The following SPATA13 variants were observed in gnomAD, a reference collection of about 807,000 sequenced individuals.
The protein encoded by SPATA13 is spermatogenesis-associated protein 13.
A neutral mutation model predicts 104.0 loss-of-function variants in SPATA13; 50 were observed. The observed-to-expected ratio is 0.48, with a 90% confidence interval of 0.38 to 0.61. SPATA13 has a LOEUF of 0.61. Ranked by LOEUF, SPATA13 falls within the 20% of genes least tolerant of loss-of-function variation. The pLI, the probability that SPATA13 is intolerant of heterozygous loss-of-function variation, is 0.00. For synonymous variants in SPATA13, 606 were observed against 667.5 expected, an observed-to-expected ratio of 0.91 and a Z score of 1.42; for missense variants, 1,524 against 1,690.6, an observed-to-expected ratio of 0.90 and a Z score of 1.73.
intron 3 of SPATA13, among the ~76,000 whole-genome samples, chr13:24,099,030 A>T (rs1880174129): frequency 6.6e-6 from 1 of 152,072 alleles, no homozygotes. Flanking sequence ...GGCTGCAGTG[A>T]GCTATGATCA....
chr13:24,187,348 A>G (rs188095939), intron 1 of SPATA13, among the ~76,000 whole-genome samples: 1 of 152,158 alleles, frequency 6.6e-6, no homozygotes, highest in East Asian at 1.9e-4. Context: ...AGTCCTAGCT[A>G]TCTTCAGTTC....
intron 2 of SPATA13, among the ~76,000 whole-genome samples, chr13:23,995,102 T>C (rs1281944911): frequency 6.6e-6 from 1 of 152,138 alleles, no homozygotes; most frequent in African/African-American, 2.4e-5. Context: ...CCAAACACAA[T>C]GTCCAAAAAT....
At chr13:24,292,656 A>G (rs1471453246) in intron 9 of SPATA13, among the ~76,000 whole-genome samples, 1 of 152,074 alleles carries the variant, frequency 6.6e-6, no homozygotes, top group African/African-American at 2.4e-5. Context: ...GTGAATCATT[A>G]TTTTGTCCTC....
intron 4 of SPATA13, among the ~76,000 whole-genome samples, chr13:24,277,008 C>T (rs932744257): frequency 4.6e-5 from 7 of 152,172 alleles, no homozygotes; most frequent in Middle Eastern, 3.2e-3. Flanking sequence ...ACAATGTCTA[C>T]TGAGAGTATG....
intron 2 of SPATA13, among the ~76,000 whole-genome samples, chr13:23,990,012 C>A (rs545876543): frequency 6.6e-6 from 1 of 152,260 alleles, no homozygotes; most frequent in South Asian, 2.1e-4. Flanking sequence ...GTTTATAAGC[C>A]ACCCAGGTTA....
intron 3 of SPATA13, among the ~76,000 whole-genome samples, chr13:24,059,461 G>T (rs1474817210): frequency 6.6e-6 from 1 of 152,232 alleles, no homozygotes; most frequent in African/African-American, 2.4e-5. Flanking sequence ...GGCTTTGGCT[G>T]TATTGAAAAG....
intron 1 of SPATA13, among the ~76,000 whole-genome samples, chr13:24,212,138 T>A (rs980045536): frequency 6.6e-6 from 1 of 151,982 alleles, no homozygotes; most frequent in African/African-American, 2.4e-5. Flanking sequence ...GGAGGCCAGG[T>A]GCGGTGGCTC....
chr13:24,027,785 G>A (rs1877297139), intron 3 of SPATA13, among the ~76,000 whole-genome samples: 1 of 152,128 alleles, frequency 6.6e-6, no homozygotes, highest in African/African-American at 2.4e-5. Context: ...TGTGAAAACC[G>A]AGGAAATTAG....
At chr13:24,003,378 A>G (rs1876070700) in intron 2 of SPATA13, among the ~76,000 whole-genome samples, 1 of 152,220 alleles carries the variant, frequency 6.6e-6, no homozygotes, top group African/African-American at 2.4e-5. Context: ...AGAAGGTGGT[A>G]AAAAGATTGA....
At chr13:24,288,960 G>T in intron 7 of SPATA13, 39 bp from the exon 8 acceptor site, 2 of 1,542,918 alleles carry the variant, frequency 1.3e-6, no homozygotes, top group South Asian at 2.5e-5. Context: ...TAATTTATTT[G>T]GATTTCCAAA....
intron 2 of SPATA13, 29 bp downstream of exon 2, chr13:24,224,611 G>C: frequency 6.5e-7 from 1 of 1,536,484 alleles, no homozygotes; most frequent in Non-Finnish European, 8.7e-7. Flanking sequence ...TCCCTCATGT[G>C]GGCGACCCTC....
intron 4 of SPATA13, chr13:24,270,979 T>G (rs931157989): frequency 8.4e-7 from 1 of 1,195,090 alleles, no homozygotes; most frequent in African/African-American, 1.5e-5. Context: ...CCTTCCCAAG[T>G]TGCAGTTCTT....
intron 2 of SPATA13, among the ~76,000 whole-genome samples, chr13:24,226,283 C>T (rs1399321764): frequency 6.6e-6 from 1 of 152,188 alleles, no homozygotes; most frequent in Non-Finnish European, 1.5e-5. Context: ...ACCTAGGTAC[C>T]TGTCCACCTC....
chr13:24,174,209 G>A (rs527962915), intron 1 of SPATA13, among the ~76,000 whole-genome samples: 16 of 152,228 alleles, frequency 1.1e-4, no homozygotes, highest in South Asian at 6.2e-4. Context: ...TAAAGAAAGC[G>A]GTCCATTTTG....
At chr13:24,003,488 G>A (rs1264486703) in intron 2 of SPATA13, among the ~76,000 whole-genome samples, 1 of 152,188 alleles carries the variant, frequency 6.6e-6, no homozygotes, top group East Asian at 1.9e-4. Context: ...CAAGTAATGC[G>A]TAATTTTTTC....
chr13:24,085,087 AG>A (rs144781503), intron 3 of SPATA13, among the ~76,000 whole-genome samples: 11,838 of 151,952 alleles, frequency 0.078, 567 homozygotes, highest in Non-Finnish European at 0.1. Flanking sequence ...GTTGATCTGG[AG>A]TGTGTAGTGT....
rs1450149156 is a variant in SPATA13 at position 24,201,150 on chromosome 13, A to G, written c.-111-21669A>G. Among the ~76,000 whole-genome samples the G allele has an allele frequency of 4.0e-5, 6 of 151,532 alleles. No individual in the cohort carries two copies. The East Asian group carries it at 9.7e-4, about 25-fold the overall frequency. On this transcript the variant is annotated intron_variant, in intron 1 of 12. Transcript: ENST00000382108. ...GTTCCCTTGCCTTAGTGAGGTTATC[A>G]TGCTTATTAGCACAAGGGGCGGGTT...
chr13:24,102,059 T>C (rs944272587), intron 3 of SPATA13, among the ~76,000 whole-genome samples: 2 of 152,220 alleles, frequency 1.3e-5, no homozygotes, highest in Non-Finnish European at 2.9e-5. Context: ...AATTTCTATA[T>C]TTTTTCCATA....
intron 1 of SPATA13, among the ~76,000 whole-genome samples, chr13:24,187,069 T>C (rs1183490214): frequency 2.0e-5 from 3 of 152,192 alleles, no homozygotes; most frequent in African/African-American, 4.8e-5. Context: ...TTGCATGTTA[T>C]GACAGCCTAG....
Sources: gnomAD v4.1 joint callset for allele counts (sites outside exome capture counted in the v4.1 genomes callset) on GRCh38, gnomAD v4.1.1 for gene constraint, MANE v1.5 for transcripts, NCBI Gene and HGNC (gene_info 2026-07-23, HGNC 2026-07-21) for gene names.